Variants in NCKAP5 observed in about 807,000 individuals in gnomAD.
The protein encoded by NCKAP5 is nck-associated protein 5.
NCKAP5 carries 92 observed loss-of-function variants against 167.0 expected under a neutral mutation model. The observed-to-expected ratio is 0.55, with a 90% CI of 0.47 to 0.66. The LOEUF (loss-of-function observed/expected upper bound fraction) is 0.66, where lower values mean the gene tolerates loss of function less well. NCKAP5 is among the 30% of genes least tolerant of loss of function. NCKAP5 has a pLI of 0.00. For missense variants in NCKAP5, 2,378 were observed against 2,315.0 expected, an observed-to-expected ratio of 1.03 and a Z score of -0.56; for synonymous variants, 891 against 877.4, an observed-to-expected ratio of 1.02 and a Z score of -0.27.
chr2:133,092,151 G>C (rs2081205790), intron 6 of NCKAP5, among the ~76,000 whole-genome samples: 1 of 152,156 alleles, frequency 6.6e-6, no homozygotes, highest in Non-Finnish European at 1.5e-5. Flanking sequence ...GAATTTATTT[G>C]GAAATAGGAT....
the NCKAP5 span, among the ~76,000 whole-genome samples, chr2:133,673,083 T>A: frequency 6.6e-6 from 1 of 152,150 alleles, no homozygotes; most frequent in Non-Finnish European, 1.5e-5. Context: ...TGACACCATA[T>A]ACTCTGTGTT....
At chr2:133,023,419 T>C (rs2078594999) in intron 6 of NCKAP5, among the ~76,000 whole-genome samples, 1 of 152,262 alleles carries the variant, frequency 6.6e-6, no homozygotes, top group Non-Finnish European at 1.5e-5. Context: ...TAAGTAAAGC[T>C]TGGTTGCAAA....
chr2:133,446,244 G>A (rs2151181872), intron 3 of NCKAP5, among the ~76,000 whole-genome samples: 1 of 152,222 alleles, frequency 6.6e-6, no homozygotes, highest in South Asian at 2.1e-4. Flanking sequence ...AGAAAAGAAT[G>A]GAAGTCCTAC....
intron 3 of NCKAP5, among the ~76,000 whole-genome samples, chr2:133,511,261 T>C (rs1414205580): frequency 2.6e-5 from 4 of 152,184 alleles, no homozygotes; most frequent in Admixed American, 2.0e-4. Flanking sequence ...TCCCACTCTT[T>C]TGGGGCTCCC....
chr2:132,688,560 T>C (rs1686268586), intron 19 of NCKAP5, among the ~76,000 whole-genome samples: 2 of 152,052 alleles, frequency 1.3e-5, no homozygotes, highest in South Asian at 4.1e-4. Flanking sequence ...TCAGAACATG[T>C]AAAAGCAAGG....
chr2:133,099,846 G>C (rs2081451089), intron 6 of NCKAP5, among the ~76,000 whole-genome samples: 1 of 152,140 alleles, frequency 6.6e-6, no homozygotes, highest in South Asian at 2.1e-4. Flanking sequence ...ATATACTGCT[G>C]TCTGCTTTTG....
At chr2:132,778,296 T>G (rs1682723179) in intron 15 of NCKAP5, among the ~76,000 whole-genome samples, 1 of 152,114 alleles carries the variant, frequency 6.6e-6, no homozygotes, top group Non-Finnish European at 1.5e-5. Context: ...AGCTTCTAAT[T>G]AAGGCTCTGA....
At chr2:133,189,305 C>CA (rs201303480) in intron 5 of NCKAP5, among the ~76,000 whole-genome samples, 1 of 151,834 alleles carries the variant, frequency 6.6e-6, no homozygotes, top group Non-Finnish European at 1.5e-5. Flanking sequence ...GCCTACCAAC[C>CA]AAAAAAAGTC....
intron 5 of NCKAP5, among the ~76,000 whole-genome samples, chr2:133,188,600 C>A (rs1318530782): frequency 6.6e-6 from 1 of 152,142 alleles, no homozygotes; most frequent in Non-Finnish European, 1.5e-5. Flanking sequence ...GACCACAGTG[C>A]AATCAAACTA....
chr2:133,050,476 G>A (rs562916506), intron 6 of NCKAP5, among the ~76,000 whole-genome samples: 1 of 152,242 alleles, frequency 6.6e-6, no homozygotes, highest in South Asian at 2.1e-4. Context: ...CATTCCACTG[G>A]CTAATATAAA....
At chr2:132,965,323 T>A (rs1312012522) in intron 7 of NCKAP5, among the ~76,000 whole-genome samples, 6 of 152,200 alleles carry the variant, frequency 3.9e-5, no homozygotes, top group Admixed American at 3.9e-4. Flanking sequence ...GTAGCATTTT[T>A]ATAGCTTTGA....
At chr2:133,345,863 G>C (rs370946357) in intron 3 of NCKAP5, among the ~76,000 whole-genome samples, 106 of 152,208 alleles carry the variant, frequency 7.0e-4, no homozygotes, top group African/African-American at 2.5e-3. Flanking sequence ...AGGAGGTTTG[G>C]GGTATGAGGT....
intron 3 of NCKAP5, among the ~76,000 whole-genome samples, chr2:133,455,798 T>C (rs1691819376): frequency 6.6e-6 from 1 of 152,218 alleles, no homozygotes; most frequent in East Asian, 1.9e-4. Flanking sequence ...CCCCTTTTTA[T>C]GTTTGAAATC....
At chr2:133,097,958 C>A (rs1309656204) in intron 6 of NCKAP5, among the ~76,000 whole-genome samples, 1 of 152,160 alleles carries the variant, frequency 6.6e-6, no homozygotes, top group Non-Finnish European at 1.5e-5. Context: ...AGTGAAAAAG[C>A]TCCATGATGG....
At chr2:133,631,495 T>A in the NCKAP5 span, among the ~76,000 whole-genome samples, 7 of 152,230 alleles carry the variant, frequency 4.6e-5, no homozygotes, top group Non-Finnish European at 7.3e-5. Flanking sequence ...TTATCCTGGA[T>A]TTAAATGGCC....
chr2:133,464,376 A>C (rs1214100064), intron 3 of NCKAP5, among the ~76,000 whole-genome samples: 1 of 152,228 alleles, frequency 6.6e-6, no homozygotes, highest in East Asian at 1.9e-4. Flanking sequence ...AATGTTCAGC[A>C]AACATTTGCT....
At chr2:133,549,365 T>C (rs1204051804) in intron 2 of NCKAP5, among the ~76,000 whole-genome samples, 3 of 147,070 alleles carry the variant, frequency 2.0e-5, no homozygotes, top group Non-Finnish European at 4.5e-5. Context: ...CCTCAGCAAA[T>C]GTAAAAGAAC....
intron 6 of NCKAP5, among the ~76,000 whole-genome samples, chr2:133,098,054 A>G (rs2081396735): frequency 6.6e-6 from 1 of 152,214 alleles, no homozygotes; most frequent in South Asian, 2.1e-4. Flanking sequence ...AAACACATCA[A>G]TTTGTTTTCC....
At chr2:132,871,838 T>C (rs1425683332) in intron 9 of NCKAP5, among the ~76,000 whole-genome samples, 2 of 152,360 alleles carry the variant, frequency 1.3e-5, no homozygotes, top group Admixed American at 6.5e-5. Flanking sequence ...CTTTCCTCCA[T>C]ACTGTCTATA....
Sources: gnomAD v4.1 joint callset for allele counts (sites outside exome capture counted in the v4.1 genomes callset) on GRCh38, gnomAD v4.1.1 for gene constraint, MANE v1.5 for transcripts, NCBI Gene and HGNC (gene_info 2026-07-23, HGNC 2026-07-21) for gene names.